The following SLC25A20 variants were observed in gnomAD, a reference collection of about 807,000 sequenced individuals.
SLC25A20 encodes the protein mitochondrial carnitine/acylcarnitine carrier protein.
In SLC25A20, 29 loss-of-function variants were observed where a neutral mutation model predicts 39.7. That is an observed-to-expected ratio of 0.73 (90% confidence interval 0.54 to 1.00). The LOEUF (loss-of-function observed/expected upper bound fraction) is 1.00, where lower values mean the gene tolerates loss of function less well. SLC25A20 is among the 50% of genes least tolerant of loss of function. The probability of loss-of-function intolerance (pLI) is 0.00; values close to 1 mark genes in which losing one functional copy is unlikely to be tolerated. For synonymous variants in SLC25A20, 103 were observed against 142.2 expected, an observed-to-expected ratio of 0.72 and a Z score of 1.96; for missense variants, 333 against 379.9, an observed-to-expected ratio of 0.88 and a Z score of 1.03.
intron 5 of SLC25A20, among the ~76,000 whole-genome samples, chr3:48,861,748 C>T (rs1441050079): frequency 1.3e-5 from 2 of 150,188 alleles, no homozygotes; most frequent in Non-Finnish European, 3.0e-5. Flanking sequence ...ATAATAAGGC[C>T]GGGTGCGGTG....
intron 5 of SLC25A20, 97 bp from the exon 6 acceptor site, chr3:48,859,724 C>A: frequency 1.0e-6 from 1 of 998,478 alleles, no homozygotes; most frequent in Admixed American, 1.7e-5. Context: ...GAGATTGAGG[C>A]AGGGGGATTG....
chr3:48,890,181 C>T (rs1249305151), intron 2 of SLC25A20, among the ~76,000 whole-genome samples: 1 of 152,140 alleles, frequency 6.6e-6, no homozygotes, highest in Non-Finnish European at 1.5e-5. Context: ...TGTCCACTTT[C>T]ATGTTCCTCC....
intron 4 of SLC25A20, among the ~76,000 whole-genome samples, chr3:48,869,508 C>T (rs1461256269): frequency 6.6e-6 from 1 of 152,030 alleles, no homozygotes; most frequent in African/African-American, 2.4e-5. Flanking sequence ...AGGCATGAGC[C>T]ACTGTGCCCG....
At chr3:48,864,641 G>A (rs2083652656) in intron 4 of SLC25A20, among the ~76,000 whole-genome samples, 1 of 151,518 alleles carries the variant, frequency 6.6e-6, no homozygotes, top group African/African-American at 2.4e-5. Flanking sequence ...GGAAGGTCAT[G>A]TTATCTGAGA....
chr3:48,878,273 A>AATATAT (rs201286551), intron 4 of SLC25A20, among the ~76,000 whole-genome samples: 2 of 127,670 alleles, frequency 1.6e-5, no homozygotes, highest in Non-Finnish European at 3.3e-5. Context: ...AAAAAAAAAA[A>AATATAT]ATATATATAT....
At chr3:48,862,823 A>G (rs2083637508) in intron 4 of SLC25A20, among the ~76,000 whole-genome samples, 164 bp from the exon 5 acceptor site, 1 of 152,236 alleles carries the variant, frequency 6.6e-6, no homozygotes, top group Admixed American at 6.6e-5. Flanking sequence ...GGCAGGTACT[A>G]TGAAATAAGG....
At chr3:48,879,488 T>A in intron 3 of SLC25A20, 40 bp from the exon 4 acceptor site, 1 of 1,403,554 alleles carries the variant, frequency 7.1e-7, no homozygotes, top group Non-Finnish European at 1.0e-6. Flanking sequence ...CACCTGTGAC[T>A]AACCACCGAG....
Position 48,895,710 on chromosome 3 carries a change from G to A in SLC25A20, c.105+2980C>T, listed in dbSNP as rs918826403. The A allele has an allele frequency of 1.1e-4, 50 of 451,706 alleles. No individual in the cohort carries two copies. The Admixed American group carries it at 1.1e-3, about 10-fold the overall frequency. 28.0% of individuals were successfully genotyped at this position (451,706 alleles called of 1,614,324 possible). A position where few individuals can be genotyped will look rare whatever the true frequency, so the allele number is the denominator to read the frequency against. The stretch of plus-strand genomic sequence containing the variant: ...GGCAACAGAGGTGACACGTAAGTCT[G>A]AGGGGTTTATGGGACACAATAGAAA... On this transcript the variant is annotated intron_variant, in intron 1 of 8. Coordinates refer to ENST00000319017, the MANE Select transcript of SLC25A20 (RefSeq NM_000387.6).
In SLC25A20 at chr3:48,868,907, G is replaced by A. The variant is rs556679967; in HGVS notation, c.418-6248C>T. ...GCCTTGTGCAGCCCTGCACCCTTCT[G>A]TTTAAAAATAAATTAAATTTTAAAA... On this transcript the variant is annotated intron_variant, in intron 4 of 8. Coordinates refer to ENST00000319017, the MANE Select transcript of SLC25A20 (RefSeq NM_000387.6). 4.6e-5 allele frequency among the ~76,000 whole-genome samples: 7 copies of A among 152,268 alleles called. No homozygotes were observed. In the South Asian group the frequency reaches 1.2e-3, roughly 27 times the overall value.
intron 4 of SLC25A20, among the ~76,000 whole-genome samples, chr3:48,876,580 C>G (rs2083758892): frequency 6.6e-6 from 1 of 151,092 alleles, no homozygotes; most frequent in South Asian, 2.1e-4. Context: ...CATGCACCAC[C>G]ACTCCTGGCT....
intron 1 of SLC25A20, among the ~76,000 whole-genome samples, chr3:48,894,325 G>C (rs1000360189): frequency 1.3e-5 from 2 of 148,944 alleles, no homozygotes; most frequent in Non-Finnish European, 3.0e-5. Flanking sequence ...GAGTGCAGTG[G>C]CTCAATCTCA....
chr3:48,862,163 G>C (rs923115559), intron 5 of SLC25A20, among the ~76,000 whole-genome samples: 1 of 152,180 alleles, frequency 6.6e-6, no homozygotes. Context: ...GCCAGCTCAG[G>C]ACAAGAGTGA....
chr3:48,871,658 T>A (rs1433103426), intron 4 of SLC25A20, among the ~76,000 whole-genome samples: 2 of 150,930 alleles, frequency 1.3e-5, no homozygotes, highest in Non-Finnish European at 2.9e-5. Context: ...TCCCAGCTAC[T>A]CAGGAGACTG....
chr3:48,887,612 G>T (rs75218974), intron 2 of SLC25A20, among the ~76,000 whole-genome samples: 3,155 of 152,242 alleles, frequency 0.021, 61 homozygotes, highest in Middle Eastern at 0.058. Context: ...GCTTAAAGAA[G>T]AAAGAACAAG....
At chr3:48,872,626 G>A (rs1389150692) in intron 4 of SLC25A20, among the ~76,000 whole-genome samples, 2 of 150,040 alleles carry the variant, frequency 1.3e-5, no homozygotes, top group East Asian at 4.0e-4. Context: ...CAAGGCAGGA[G>A]GAATGCTTGA....
intron 2 of SLC25A20, among the ~76,000 whole-genome samples, chr3:48,889,137 T>C (rs1209365058): frequency 3.3e-5 from 5 of 151,932 alleles, no homozygotes. Flanking sequence ...AAGATCTCAA[T>C]GAGGTCTTTA....
intron 4 of SLC25A20, among the ~76,000 whole-genome samples, chr3:48,869,587 G>A (rs1401521874): frequency 6.6e-6 from 1 of 152,166 alleles, no homozygotes; most frequent in Non-Finnish European, 1.5e-5. Context: ...CGTTCTGGGA[G>A]GTCAAGGTGG....
intron 1 of SLC25A20, among the ~76,000 whole-genome samples, chr3:48,893,276 G>A (rs1050258014): frequency 1.6e-4 from 25 of 152,014 alleles, no homozygotes; most frequent in Non-Finnish European, 3.2e-4. Context: ...TATTGGGTAT[G>A]AGGTGGTATG....
chr3:48,889,282 C>G (rs1350403291), intron 2 of SLC25A20, among the ~76,000 whole-genome samples: 1 of 151,412 alleles, frequency 6.6e-6, no homozygotes, highest in Non-Finnish European at 1.5e-5. Context: ...CTCAGCTACT[C>G]GGGAAGCTTA....
Sources: allele counts gnomAD v4.1 joint callset (sites outside exome capture counted in the v4.1 genomes callset), GRCh38; gene constraint gnomAD v4.1.1; transcripts MANE v1.5; gene names NCBI Gene and HGNC (gene_info 2026-07-23, HGNC 2026-07-21).